Variants in PSIP1 observed in about 807,000 individuals in gnomAD.
PSIP1 encodes the protein PC4 and SRSF1 interacting protein 1.
In PSIP1, 19 loss-of-function variants were observed where a neutral mutation model predicts 74.7. The observed-to-expected ratio is 0.25, with a 90% CI of 0.18 to 0.37. The LOEUF is 0.37. Ranked by LOEUF, PSIP1 falls within the 10% of genes least tolerant of loss-of-function variation. PSIP1 has a pLI of 1.00. For missense variants in PSIP1, 601 were observed against 614.3 expected, an observed-to-expected ratio of 0.98 and a Z score of 0.23; for synonymous variants, 222 against 195.3, an observed-to-expected ratio of 1.14 and a Z score of -1.14.
At chr9:15,488,811 G>C (rs1044697069) in intron 4 of PSIP1, among the ~76,000 whole-genome samples, 9 of 151,856 alleles carry the variant, frequency 5.9e-5, no homozygotes, top group Admixed American at 5.9e-4. Context: ...CACAAGGTCA[G>C]GAGATCGAGA....
chr9:15,479,564 C>A lies in PSIP1; in HGVS notation c.553+27G>T, dbSNP rs200398839. Reference sequence around the variant, plus strand: ...ACTGGAATATTAATCACAAGCCAAACAGATATTTAAACATCAGTAATCCTA... The same window carrying A: ...ACTGGAATATTAATCACAAGCCAAAAAGATATTTAAACATCAGTAATCCTA... On this transcript the variant is annotated intron_variant, in intron 7 of 15. Transcript: ENST00000380733. 25 of 1,535,724 alleles carry A rather than the reference C, an allele frequency of 1.6e-5. No individual in the cohort carries two copies. In the East Asian group the frequency reaches 2.1e-4, roughly 13 times the overall value.
At chr9:15,509,302 ATC>A (rs1403380003) in intron 2 of PSIP1, among the ~76,000 whole-genome samples, 1 of 152,204 alleles carries the variant, frequency 6.6e-6, no homozygotes, top group Non-Finnish European at 1.5e-5. Flanking sequence ...GGTCCTATCT[ATC>A]TCTGTTTGAG....
chr9:15,497,561 G>A (rs1272358359), intron 3 of PSIP1, among the ~76,000 whole-genome samples: 1 of 151,780 alleles, frequency 6.6e-6, no homozygotes, highest in East Asian at 1.9e-4. Flanking sequence ...TCCTGACCTC[G>A]TGATCCGCCC....
rs1360265732 is a variant in PSIP1, at chr9:15,466,986, T to G, written c.1421-127A>C. The G allele has an allele frequency of 2.6e-5, 18 of 696,544 alleles. No individual in the cohort carries two copies. In the South Asian group the frequency reaches 3.1e-4, roughly 12 times the overall value. The allele number at this position is 696,544 out of a possible 1,614,324, so 43.1% of individuals were successfully genotyped here. A position where few individuals can be genotyped will look rare whatever the true frequency, so the allele number is the denominator to read the frequency against. ...GTTTCTACTACTTAATGTCTTTTAT[T>G]TGAAATTACATTGTAATACAGCCCT... On this transcript the variant is annotated intron_variant, in intron 14 of 15. Coordinates refer to ENST00000380733, the MANE Select transcript of PSIP1 (RefSeq NM_033222.5).
chr9:15,482,134 C>G (rs1309872242), intron 6 of PSIP1, among the ~76,000 whole-genome samples: 1 of 152,172 alleles, frequency 6.6e-6, no homozygotes, highest in Admixed American at 6.5e-5. Flanking sequence ...CCACTTCACA[C>G]ACACACAAAA....
At chr9:15,487,507 A>G (rs1167586275) in intron 4 of PSIP1, among the ~76,000 whole-genome samples, 1 of 152,130 alleles carries the variant, frequency 6.6e-6, no homozygotes, top group Non-Finnish European at 1.5e-5. Context: ...AGGCACGAGT[A>G]TAACTTAAAA....
intron 8 of PSIP1, among the ~76,000 whole-genome samples, chr9:15,477,835 G>A (rs1422998022): frequency 6.6e-6 from 1 of 151,884 alleles, no homozygotes; most frequent in African/African-American, 2.4e-5. Context: ...CTATTCTAGA[G>A]GAGATAAAAA....
At chr9:15,474,297 T>C (rs1350772780) in intron 8 of PSIP1, 60 bp from the exon 9 acceptor site, 14 of 1,382,878 alleles carry the variant, frequency 1.0e-5, no homozygotes, top group Admixed American at 6.9e-5. Flanking sequence ...ATTTTAGATA[T>C]CAGTAAGCTA....
At chr9:15,482,128 T>A (rs2036363394) in intron 6 of PSIP1, among the ~76,000 whole-genome samples, 1 of 152,212 alleles carries the variant, frequency 6.6e-6, no homozygotes, top group East Asian at 1.9e-4. Flanking sequence ...AACACACCAC[T>A]TCACACACAC....
chr9:15,478,891 T>TA (rs2036215199), intron 7 of PSIP1, among the ~76,000 whole-genome samples: 1 of 152,038 alleles, frequency 6.6e-6, no homozygotes, highest in African/African-American at 2.4e-5. Flanking sequence ...ATATACATAT[T>TA]ATATTACTTA....
At chr9:15,468,362 G>A (rs2035716843) in intron 14 of PSIP1, 3 of 663,452 alleles carry the variant, frequency 4.5e-6, no homozygotes, top group South Asian at 2.7e-5. Context: ...GTGATGGATG[G>A]GTTTTTAAAA....
At chr9:15,470,229 G>C (rs2035767291) in intron 10 of PSIP1, among the ~76,000 whole-genome samples, 1 of 152,134 alleles carries the variant, frequency 6.6e-6, no homozygotes, top group South Asian at 2.1e-4. Flanking sequence ...CAAATAGTGT[G>C]TTGCTAGAAG....
At chr9:15,508,396 T>G (rs897404483) in intron 2 of PSIP1, among the ~76,000 whole-genome samples, 1 of 152,184 alleles carries the variant, frequency 6.6e-6, no homozygotes. Context: ...AGACAAACAC[T>G]TCCCTTCCAA....
intron 3 of PSIP1, among the ~76,000 whole-genome samples, chr9:15,504,761 G>A (rs1438499850): frequency 1.3e-5 from 2 of 150,888 alleles, no homozygotes; most frequent in Non-Finnish European, 3.0e-5. Flanking sequence ...GAAAAAACCT[G>A]TTCCATTTCA....
At chr9:15,482,802 A>G (rs1324605754) in intron 6 of PSIP1, among the ~76,000 whole-genome samples, 1 of 152,206 alleles carries the variant, frequency 6.6e-6, no homozygotes, top group Non-Finnish European at 1.5e-5. Context: ...TAAAAAGCAC[A>G]GTGTAACTTT....
chr9:15,476,838 T>C (rs984345852), intron 8 of PSIP1, among the ~76,000 whole-genome samples: 1 of 152,170 alleles, frequency 6.6e-6, no homozygotes, highest in African/African-American at 2.4e-5. Context: ...GATAAGTTCC[T>C]AAAAAGGTAC....
At chr9:15,468,576 T>C (rs2035726673) in intron 14 of PSIP1, 54 bp downstream of exon 14, 63 of 1,558,404 alleles carry the variant, frequency 4.0e-5, no homozygotes, top group East Asian at 6.7e-5. Flanking sequence ...TTAAAAGCAG[T>C]CCTGGCAAAT....
rs573747919 is a variant in PSIP1, at chr9:15,510,445, G to A, written c.-141-116C>T. The A allele has an allele frequency of 5.5e-5, 22 of 401,636 alleles. No individual in the cohort carries two copies. The South Asian group carries it at 8.8e-4, about 16-fold the overall frequency. The allele number at this position is 401,636 out of a possible 1,614,324, so 24.9% of individuals were successfully genotyped here. ...GAGAGCGAGGGGACGGCCGCCTCCCGCTCCTCCCCCGCCAGTGCGCTGCCT... is the reference window on the plus strand; with the variant it reads ...GAGAGCGAGGGGACGGCCGCCTCCCACTCCTCCCCCGCCAGTGCGCTGCCT... On this transcript the variant is annotated intron_variant, in intron 1 of 15. Transcript: ENST00000380733.
At chr9:15,501,546 T>C (rs1181024348) in intron 3 of PSIP1, among the ~76,000 whole-genome samples, 1 of 152,068 alleles carries the variant, frequency 6.6e-6, no homozygotes, top group Non-Finnish European at 1.5e-5. Flanking sequence ...AGGCTTATTT[T>C]TACAATAGAA....
Sources: gnomAD v4.1 joint callset for allele counts (sites outside exome capture counted in the v4.1 genomes callset) on GRCh38, gnomAD v4.1.1 for gene constraint, MANE v1.5 for transcripts, NCBI Gene and HGNC (gene_info 2026-07-23, HGNC 2026-07-21) for gene names.